RAB8B: variants seen among roughly 807,000 people sequenced by gnomAD.
RAB8B encodes ras-related protein Rab-8B.
RAB8B carries 11 observed loss-of-function variants against 32.0 expected under a neutral mutation model. The observed-to-expected ratio is 0.34, with a 90% CI of 0.22 to 0.57. The LOEUF (loss-of-function observed/expected upper bound fraction) is 0.57. Among genes scored for constraint, RAB8B ranks in the 20% least tolerant of loss-of-function variants. The pLI, the probability that RAB8B is intolerant of heterozygous loss-of-function variation, is 0.86. For synonymous variants in RAB8B, 103 were observed against 89.6 expected, an observed-to-expected ratio of 1.15 and a Z score of -0.85; for missense variants, 190 against 258.5, an observed-to-expected ratio of 0.73 and a Z score of 1.82.
At chr15:63,260,074 C>T (rs2038190871) in intron 6 of RAB8B, among the ~76,000 whole-genome samples, 1 of 152,144 alleles carries the variant, frequency 6.6e-6, no homozygotes, top group Non-Finnish European at 1.5e-5. Flanking sequence ...ACCTCGTGAT[C>T]CCCTCTCCTT....
chr15:63,255,640 A>G, intron 4 of RAB8B, 56 bp downstream of exon 4: 1 of 1,415,378 alleles, frequency 7.1e-7, no homozygotes, highest in Non-Finnish European at 1.0e-6. Context: ...GGTGCTTGTA[A>G]AAGGCTCCTC....
chr15:63,226,175 C>G (rs1027991029), intron 1 of RAB8B, among the ~76,000 whole-genome samples: 1 of 152,182 alleles, frequency 6.6e-6, no homozygotes, highest in African/African-American at 2.4e-5. Flanking sequence ...TGAAATTTGC[C>G]CTTGCCTTAG....
intron 1 of RAB8B, among the ~76,000 whole-genome samples, chr15:63,209,126 C>G (rs370477059): frequency 2.6e-5 from 4 of 151,846 alleles, no homozygotes; most frequent in Non-Finnish European, 2.9e-5. Flanking sequence ...CCTGAGCTCA[C>G]GCAATCTACC....
At chr15:63,232,865 T>A (rs1272008674) in intron 1 of RAB8B, among the ~76,000 whole-genome samples, 2 of 152,180 alleles carry the variant, frequency 1.3e-5, no homozygotes, top group African/African-American at 4.8e-5. Context: ...GTGTTTTTCC[T>A]CCTAAACTTT....
chr15:63,254,773 G>A (rs1438726685), intron 3 of RAB8B, among the ~76,000 whole-genome samples: 1 of 152,088 alleles, frequency 6.6e-6, no homozygotes, highest in African/African-American at 2.4e-5. Context: ...TTAGCTGTGT[G>A]TGGTGGCGGG....
chr15:63,224,856 C>G (rs1316634208), intron 1 of RAB8B, among the ~76,000 whole-genome samples: 1 of 152,164 alleles, frequency 6.6e-6, no homozygotes, highest in Non-Finnish European at 1.5e-5. Flanking sequence ...GGTGATTCTC[C>G]TGTTAGTGTC....
chr15:63,205,545 G>GT (rs1425738081), intron 1 of RAB8B, among the ~76,000 whole-genome samples: 1 of 152,068 alleles, frequency 6.6e-6, no homozygotes, highest in Non-Finnish European at 1.5e-5. Flanking sequence ...ATGATATGTG[G>GT]TAGGGACAAG....
At chr15:63,217,364 A>G (rs572943854) in intron 1 of RAB8B, among the ~76,000 whole-genome samples, 1 of 152,272 alleles carries the variant, frequency 6.6e-6, no homozygotes, top group South Asian at 2.1e-4. Flanking sequence ...GGAACTTTCT[A>G]ATCATTTCTA....
At chr15:63,220,305 T>C (rs955729311) in intron 1 of RAB8B, among the ~76,000 whole-genome samples, 1 of 152,248 alleles carries the variant, frequency 6.6e-6, no homozygotes, top group African/African-American at 2.4e-5. Flanking sequence ...TGAAGACATC[T>C]ACTTTATGTA....
intron 1 of RAB8B, among the ~76,000 whole-genome samples, chr15:63,212,841 A>C (rs2037759516): frequency 6.6e-6 from 1 of 152,234 alleles, no homozygotes; most frequent in Non-Finnish European, 1.5e-5. Flanking sequence ...TCCGTATGTG[A>C]TTATATATTC....
intron 1 of RAB8B, among the ~76,000 whole-genome samples, chr15:63,213,427 T>C (rs1167897794): frequency 2.6e-5 from 4 of 152,218 alleles, no homozygotes; most frequent in Admixed American, 1.3e-4. Flanking sequence ...AAATCTGTAC[T>C]GGATAAAGAA....
intron 1 of RAB8B, among the ~76,000 whole-genome samples, chr15:63,201,550 T>C (rs1295701400): frequency 6.6e-6 from 1 of 151,950 alleles, no homozygotes; most frequent in East Asian, 1.9e-4. Flanking sequence ...TATTCAAGAG[T>C]CTGGACTTTA....
At chr15:63,191,301 A>T (rs59158049) in intron 1 of RAB8B, among the ~76,000 whole-genome samples, 6,696 of 152,112 alleles carry the variant, frequency 0.044, 235 homozygotes, top group East Asian at 0.17. Context: ...ATCTTTTTTT[A>T]AAAAAAGAGT....
At chr15:63,197,666 T>C (rs1271843388) in intron 1 of RAB8B, among the ~76,000 whole-genome samples, 2 of 152,150 alleles carry the variant, frequency 1.3e-5, no homozygotes, top group African/African-American at 4.8e-5. Context: ...CCACCACACC[T>C]GGCTGAAATG....
chr15:63,206,737 C>T (rs1202256909), intron 1 of RAB8B, among the ~76,000 whole-genome samples: 3 of 152,062 alleles, frequency 2.0e-5, no homozygotes, highest in Admixed American at 6.6e-5. Context: ...CCCATAAACT[C>T]GCTACTTTCT....
At position 63,248,296 on chromosome 15, in the gene RAB8B, AAG is replaced by A. The variant is rs1352091433; in HGVS notation, c.186-1348_186-1347del. 1.3e-5 allele frequency among the ~76,000 whole-genome samples: 2 copies of A among 152,110 alleles called. No individual in the cohort carries two copies. Among genetic ancestry groups the A allele is most frequent in the African/African-American group, 4.8e-5 (2 of 41,424 alleles). On this transcript the variant is annotated intron_variant, in intron 2 of 7. Transcript: ENST00000321437. The surrounding 1 kb of genome is among the most constrained non-coding windows in gnomAD (Gnocchi z 4.4). ...TGGGAGGCCGAGGCGGGTAGATCAC[AAG>A]GTCAGGAGTTTGAGACCAGCCTGGT...
chr15:63,228,193 T>A (rs1234896006), intron 1 of RAB8B, among the ~76,000 whole-genome samples: 1 of 152,124 alleles, frequency 6.6e-6, no homozygotes, highest in Non-Finnish European at 1.5e-5. Flanking sequence ...ATTGTTTTAT[T>A]TTTTTGTAGA....
rs1555421162 is a variant in RAB8B, at chr15:63,202,289, A to AAG, written c.124+12541_124+12542insAG. Among the ~76,000 whole-genome samples, 159 of 149,228 alleles carry AAG rather than the reference A, an allele frequency of 1.1e-3. 1 individual carries two copies. Among genetic ancestry groups the AAG allele is most frequent in the East Asian group, 2.0e-3 (10 of 5,050 alleles). ...CGAGACTCCGTCTCAAAAAGAAAAA[A>AAG]GAAAAAAAAGAACTATTAAAACTGA... On this transcript the variant is annotated intron_variant, in intron 1 of 7. Transcript: ENST00000321437.
chr15:63,191,514 T>C (rs2037555937), intron 1 of RAB8B, among the ~76,000 whole-genome samples: 2 of 152,222 alleles, frequency 1.3e-5, no homozygotes, highest in Non-Finnish European at 2.9e-5. Context: ...AAATGTCATC[T>C]CTCAAGTATA....
Sources: allele counts gnomAD v4.1 joint callset (sites outside exome capture counted in the v4.1 genomes callset), GRCh38; gene constraint gnomAD v4.1.1; non-coding constraint Gnocchi (gnomAD v3.1); transcripts MANE v1.5; gene names NCBI Gene and HGNC (gene_info 2026-07-23, HGNC 2026-07-21).